TG: variants seen among roughly 807,000 people sequenced by gnomAD.
TG encodes thyroglobulin, also known as thyroid hormones.
TG carries 270 observed loss-of-function variants against 324.7 expected under a neutral mutation model. The observed-to-expected ratio is 0.83, with a 90% CI of 0.75 to 0.92. TG has a LOEUF of 0.92. Ranked by LOEUF, TG falls within the 40% of genes least tolerant of loss-of-function variation. The pLI is 0.00. For missense variants in TG, 3,591 were observed against 3,456.4 expected (o/e 1.04, Z -0.98); for synonymous variants, 1,401 against 1,327.0 (o/e 1.06, Z -1.21).
At chr8:132,999,170 G>C (rs549441028) in intron 35 of TG, among the ~76,000 whole-genome samples, 1 of 152,274 alleles carries the variant, frequency 6.6e-6, no homozygotes, top group Admixed American at 6.5e-5. Context: ...AACGTGAGTT[G>C]GTTTCAGAGA....
intron 43 of TG, among the ~76,000 whole-genome samples, chr8:133,096,648 T>G (rs1848461010): frequency 6.6e-6 from 1 of 152,128 alleles, no homozygotes; most frequent in South Asian, 2.1e-4. Context: ...GGGCTGCAAG[T>G]TAGAATACCC....
rs745783665 is a variant in TG, at chr8:132,897,784, C to A, written c.3137C>A (p.Thr1046Asn). Residue 1046 changes from threonine (T) to asparagine (N), a missense_variant and splice_region_variant, in exon 12 of 48, where the codon ACT (threonine) becomes AAT (asparagine). Physicochemically the swap from Thr to Asn is moderately conservative, Grantham distance 65. Coordinates refer to ENST00000220616, the MANE Select transcript of TG (RefSeq NM_003235.5). ...SWEPVQCHAG[T>N]GHCWCVDEKG... ...GAGCCTGTGCAGTGCCACGCTGGGACTGGTAAGGAGGGATAGGCACCTTCA... is the reference window on the plus strand; with the variant it reads ...GAGCCTGTGCAGTGCCACGCTGGGAATGGTAAGGAGGGATAGGCACCTTCA... 6 of 1,614,032 alleles carry A rather than the reference C, an allele frequency of 3.7e-6. No individual in the cohort carries two copies. The highest frequency in any genetic ancestry group is 5.1e-6 in the Non-Finnish European group (6 of 1,180,032).
intron 5 of TG, 122 bp downstream of exon 5, chr8:132,873,343 T>C: frequency 7.5e-7 from 1 of 1,336,488 alleles, no homozygotes; most frequent in Non-Finnish European, 1.0e-6. Context: ...AGCTGCCTCA[T>C]TCTCATGAGC....
intron 20 of TG, among the ~76,000 whole-genome samples, chr8:132,914,187 A>G (rs191565215): frequency 1.3e-5 from 2 of 152,332 alleles, no homozygotes; most frequent in Admixed American, 1.3e-4. Context: ...TTTGCCATGT[A>G]ACCTAACATA....
chr8:133,003,454 TTAG>T (rs1411059608), intron 35 of TG, among the ~76,000 whole-genome samples: 1 of 151,918 alleles, frequency 6.6e-6, no homozygotes, highest in Non-Finnish European at 1.5e-5. Context: ...ATTGATTCTC[TTAG>T]TAGTTTCGAA....
chr8:132,888,516 G>A lies in TG; in HGVS notation c.2709G>A (p.Glu903=). 6.2e-7 allele frequency: 1 copy of A among 1,611,560 alleles called. No individual in the cohort carries two copies. Among genetic ancestry groups the A allele is most frequent in the Non-Finnish European group, 8.5e-7 (1 of 1,179,000 alleles). Residue 903 remains glutamate (E), a synonymous_variant, in exon 10 of 48, where the codon GAG becomes GAA. Coordinates refer to ENST00000220616, the MANE Select transcript of TG (RefSeq NM_003235.5). The part of the protein sequence containing the change: ...FDLRNCWCVD[E]AGQELEGMRS... ...TTCGGAACTGCTGGTGTGTGGATGA[G>A]GCTGGCCAAGAACTGGAAGGAATGC...
intron 41 of TG, among the ~76,000 whole-genome samples, chr8:133,067,965 AAAG>A (rs778836430): frequency 2.6e-5 from 4 of 152,054 alleles, no homozygotes; most frequent in South Asian, 2.1e-4. Flanking sequence ...GAAGGAAAAG[AAAG>A]AAGGATTCCC....
At chr8:133,002,585 ATATTT>A (rs147227175) in intron 35 of TG, 10,003 of 275,908 alleles carry the variant, frequency 0.036, 977 homozygotes, top group African/African-American at 0.21. Flanking sequence ...CTGATGTCTT[ATATTT>A]TATTTTAACA....
At chr8:133,060,405 CCA>C (rs1587937826) in intron 41 of TG, 2 of 1,510,002 alleles carry the variant, frequency 1.3e-6, no homozygotes, top group Non-Finnish European at 1.8e-6. Flanking sequence ...GACAGAAAAA[CCA>C]CAGAGAGGGA....
chr8:132,942,701 C>T (rs1218162955), intron 26 of TG, among the ~76,000 whole-genome samples: 1 of 152,136 alleles, frequency 6.6e-6, no homozygotes, highest in African/African-American at 2.4e-5. Context: ...CGGCATCAGG[C>T]TTGAGAACTA....
chr8:132,904,931 G>C (rs375475208), intron 16 of TG, among the ~76,000 whole-genome samples: 1 of 152,086 alleles, frequency 6.6e-6, no homozygotes, highest in African/African-American at 2.4e-5. Context: ...AAGATAATGG[G>C]GTTCAAATCC....
At chr8:133,045,062 G>A (rs200511116) in intron 41 of TG, 7 of 1,614,144 alleles carry the variant, frequency 4.3e-6, no homozygotes, top group South Asian at 1.1e-5. Context: ...TTGGGCAGAC[G>A]GAAAATGCGG....
chr8:132,871,952 T>G (rs1021056417), intron 4 of TG, among the ~76,000 whole-genome samples: 2 of 152,166 alleles, frequency 1.3e-5, no homozygotes, highest in Non-Finnish European at 2.9e-5. Flanking sequence ...TATTTCCTAG[T>G]GATGTAATGA....
intron 35 of TG, among the ~76,000 whole-genome samples, chr8:133,004,744 T>A (rs542845359): frequency 1.5e-4 from 23 of 152,302 alleles, no homozygotes; most frequent in African/African-American, 5.5e-4. Flanking sequence ...CACATCTGCC[T>A]GGTACCCTGG....
At chr8:133,073,525 C>T (rs1013139326) in intron 41 of TG, among the ~76,000 whole-genome samples, 9 of 152,122 alleles carry the variant, frequency 5.9e-5, no homozygotes, top group African/African-American at 2.2e-4. Flanking sequence ...CCAAGCCCAG[C>T]TAATTTTTGT....
intron 36 of TG, among the ~76,000 whole-genome samples, chr8:133,013,042 C>T (rs895412356): frequency 6.6e-6 from 1 of 152,110 alleles, no homozygotes; most frequent in East Asian, 1.9e-4. Context: ...GTATGGAGAG[C>T]CTTGTTTGAG....
Position 133,017,809 on chromosome 8 carries a change from AC to A in TG, c.6596del (p.Pro2199LeufsTer51). 1 of 1,614,070 alleles carries A rather than the reference AC, an allele frequency of 6.2e-7. No individual in the cohort carries two copies. The highest frequency in any genetic ancestry group is 1.3e-5 in the African/African-American group (1 of 75,026). ...ISLLSYEASV[P>X]SVPISTHGRL... ...CTCTGCTCAGCTATGAGGCATCTGT[AC>A]CTTCTGTGCCCATTTCCACCCATGG... is the stretch of plus-strand genomic sequence containing the variant. On this transcript the variant is annotated frameshift_variant, in exon 38 of 48. Transcript: ENST00000220616. LOFTEE classifies it high-confidence loss of function.
At chr8:133,039,742 A>G (rs1478485210) in intron 41 of TG, among the ~76,000 whole-genome samples, 2 of 152,206 alleles carry the variant, frequency 1.3e-5, no homozygotes, top group Non-Finnish European at 2.9e-5. Context: ...AGCATAGAAT[A>G]AGGACTCAGT....
chr8:132,966,752 C>T, intron 30 of TG, 55 bp downstream of exon 30: 1 of 1,611,192 alleles, frequency 6.2e-7, no homozygotes, highest in Non-Finnish European at 8.5e-7. Context: ...TCAGGCATCA[C>T]AGGCCAAGTC....
Sources: gnomAD v4.1 joint callset for allele counts (sites outside exome capture counted in the v4.1 genomes callset) on GRCh38, gnomAD v4.1.1 for gene constraint, MANE v1.5 for transcripts, NCBI Gene and HGNC (gene_info 2026-07-23, HGNC 2026-07-21) for gene names.